The following NHLRC2 variants were observed in gnomAD, a reference collection of about 807,000 sequenced individuals.
The protein encoded by NHLRC2 is NHL repeat containing 2.
Under a neutral mutation model 68.1 loss-of-function variants are expected in NHLRC2, and 33 were observed. The observed-to-expected ratio is 0.48, with a 90% CI of 0.37 to 0.65. The LOEUF (loss-of-function observed/expected upper bound fraction) is 0.65, where lower values mean the gene tolerates loss of function less well. NHLRC2 is among the 30% of genes least tolerant of loss of function. The probability of loss-of-function intolerance (pLI) is 0.00; values close to 1 mark genes in which losing one functional copy is unlikely to be tolerated. For synonymous variants in NHLRC2, 311 were observed against 309.6 expected (o/e 1.00, Z -0.05); for missense variants, 761 against 853.8 (o/e 0.89, Z 1.35).
intron 4 of NHLRC2, among the ~76,000 whole-genome samples, chr10:113,881,243 T>C (rs1344916550): frequency 6.6e-6 from 1 of 151,844 alleles, no homozygotes; most frequent in Non-Finnish European, 1.5e-5. Context: ...TAATTGTATG[T>C]CATTTCTCTT....
At chr10:113,872,120 A>G (rs1845931217) in intron 2 of NHLRC2, among the ~76,000 whole-genome samples, 1 of 152,162 alleles carries the variant, frequency 6.6e-6, no homozygotes, top group Non-Finnish European at 1.5e-5. Flanking sequence ...CTCTTACAAG[A>G]GTGCAGGACA....
intron 2 of NHLRC2, among the ~76,000 whole-genome samples, chr10:113,867,648 T>C (rs996835409): frequency 6.6e-6 from 1 of 152,218 alleles, no homozygotes; most frequent in African/African-American, 2.4e-5. Flanking sequence ...CTTGACACAG[T>C]GTTCCCTCTG....
At chr10:113,884,662 T>C (rs1307104165) in intron 5 of NHLRC2, among the ~76,000 whole-genome samples, 2 of 151,228 alleles carry the variant, frequency 1.3e-5, no homozygotes, top group African/African-American at 4.8e-5. Context: ...ATTAATGTAG[T>C]TCTGAATTTC....
At chr10:113,855,101 C>T (rs1237441819) in intron 1 of NHLRC2, 51 bp downstream of exon 1, 7 of 1,459,556 alleles carry the variant, frequency 4.8e-6, no homozygotes, top group Non-Finnish European at 6.6e-6. Context: ...TCCCCTTCCT[C>T]GGGGACGGCG....
Position 113,876,508 on chromosome 10 carries a change from T to C in NHLRC2, c.332-13T>C. ...TATTTAATAATGTTTAACATATAAT[T>C]TTTTCCTTTCAGATGGTCTTCTTAT... is the stretch of plus-strand genomic sequence containing the variant. On this transcript the variant is annotated splice_polypyrimidine_tract_variant and intron_variant, in intron 2 of 10. Coordinates refer to ENST00000369301, the MANE Select transcript of NHLRC2 (RefSeq NM_198514.4). 6.8e-7 allele frequency: 1 copy of C among 1,477,644 alleles called. No homozygotes were observed. Among genetic ancestry groups the C allele is most frequent in the Non-Finnish European group, 9.2e-7 (1 of 1,082,094 alleles). 91.5% of individuals were successfully genotyped at this position (1,477,644 alleles called of 1,614,324 possible).
chr10:113,901,670 T>C lies in NHLRC2; in HGVS notation c.1144T>C (p.Leu382=). The part of the protein sequence containing the change: ...DSGKLPKKNE[L]TKGTCLRFAG... ...CTATGAACTTGTCTTTTTCAGTGAG[T>C]TAACAAAAGGAACCTGCCTTAGGTT... Residue 382 remains leucine, a synonymous_variant, in exon 7 of 11, where the codon TTA becomes CTA. Coordinates refer to ENST00000369301, the MANE Select transcript of NHLRC2 (RefSeq NM_198514.4). 6.2e-7 allele frequency: 1 copy of C among 1,611,626 alleles called. No individual in the cohort carries two copies. The highest frequency in any genetic ancestry group is 8.5e-7 in the Non-Finnish European group (1 of 1,177,768).
At chr10:113,856,891 T>C (rs1426788311) in intron 1 of NHLRC2, among the ~76,000 whole-genome samples, 3 of 152,196 alleles carry the variant, frequency 2.0e-5, no homozygotes, top group African/African-American at 4.8e-5. Flanking sequence ...CTTACATGTT[T>C]ATAGGAGACA....
intron 5 of NHLRC2, among the ~76,000 whole-genome samples, chr10:113,887,597 C>G (rs551308139): frequency 1.3e-5 from 2 of 152,022 alleles, no homozygotes; most frequent in African/African-American, 4.8e-5. Context: ...TGGTGAAGCC[C>G]CGTCTATACA....
At chr10:113,868,166 A>G (rs923385144) in intron 2 of NHLRC2, among the ~76,000 whole-genome samples, 1 of 152,028 alleles carries the variant, frequency 6.6e-6, no homozygotes, top group African/African-American at 2.4e-5. Context: ...TGGTTTTTTT[A>G]TTGGTGGTGA....
In NHLRC2 at chr10:113,875,890, T is replaced by C. The variant is rs183105146; in HGVS notation, c.332-631T>C. On this transcript the variant is annotated intron_variant, in intron 2 of 10. Coordinates refer to ENST00000369301, the MANE Select transcript of NHLRC2 (RefSeq NM_198514.4). ...TACTTTGGTAGTCAATATTGAATTT[T>C]TTCACTGAATCCAGCCAAACACTTT... Among the ~76,000 whole-genome samples the C allele has an allele frequency of 4.3e-4, 66 of 152,154 alleles. 1 individual carries two copies. The East Asian group carries it at 7.5e-3, about 17-fold the overall frequency.
Position 113,908,468 on chromosome 10 carries a change from C to A in NHLRC2, c.2113C>A (p.Gln705Lys), listed in dbSNP as rs757130928. 1 of 1,613,724 alleles carries A rather than the reference C, an allele frequency of 6.2e-7. No homozygotes were observed. The highest frequency in any genetic ancestry group is 1.3e-5 in the African/African-American group (1 of 74,890). The change falls in exon 11 of 11, where the codon CAG (glutamine) becomes AAG (lysine). Residue 705 changes from glutamine (Q) to lysine (K), a missense_variant. Physicochemically the swap from Gln to Lys is moderately conservative, Grantham distance 53. Transcript: ENST00000369301. ...ACMMKAILFSQPLQITDTQQG... is the reference protein window; with the variant it reads ...ACMMKAILFSKPLQITDTQQG... ...TATGATGAAGGCAATTTTGTTCAGT[C>A]AGCCTTTACAAATAACGGATACACA... is the stretch of plus-strand genomic sequence containing the variant.
chr10:113,899,844 G>T (rs1451917002), intron 6 of NHLRC2, among the ~76,000 whole-genome samples: 1 of 152,138 alleles, frequency 6.6e-6, no homozygotes, highest in African/African-American at 2.4e-5. Context: ...CTTGAACCCA[G>T]GAGGCGGAAG....
intron 2 of NHLRC2, among the ~76,000 whole-genome samples, chr10:113,870,046 G>T (rs1475358204): frequency 6.6e-6 from 1 of 152,140 alleles, no homozygotes; most frequent in Non-Finnish European, 1.5e-5. Flanking sequence ...GAGAAACCAA[G>T]GTCTGGGAAC....
chr10:113,902,620 T>C lies in NHLRC2; in HGVS notation c.1494+27T>C, dbSNP rs1290072274. Reference sequence around the variant, plus strand: ...TGAGTCGTGACAGAATTATATAATATCTTGCTTTTTGTGTGTGGCATTTAA... The same window carrying C: ...TGAGTCGTGACAGAATTATATAATACCTTGCTTTTTGTGTGTGGCATTTAA... On this transcript the variant is annotated intron_variant, in intron 8 of 10. Coordinates refer to ENST00000369301, the MANE Select transcript of NHLRC2 (RefSeq NM_198514.4). 2.5e-6 allele frequency: 4 copies of C among 1,590,330 alleles called. No homozygotes were observed. The African/African-American group carries it at 5.4e-5, about 22-fold the overall frequency.
Position 113,908,555 on chromosome 10 carries a change from A to G in NHLRC2, c.*19A>G, listed in dbSNP as rs752865680. ...ATTTTAGCCAGCCAGCTAGCTAGCA[A>G]CCCATTGCCACCACCTACTGTCTCC... On this transcript the variant is annotated 3_prime_UTR_variant, in exon 11 of 11. Transcript: ENST00000369301. 2 of 1,612,556 alleles carry G rather than the reference A, an allele frequency of 1.2e-6. No homozygotes were observed. The highest frequency in any genetic ancestry group is 1.3e-5 in the African/African-American group (1 of 74,912).
Position 113,876,714 on chromosome 10 carries a change from G to A in NHLRC2, c.525G>A (p.Leu175=). Residue 175 remains leucine (L), a synonymous_variant, in exon 3 of 11, where the codon TTG becomes TTA. Transcript: ENST00000369301. ...TACTTGGACCTCGTGGAAACATGTT[G>A]TTTTCTTTGATTGGAGAGGGACACA... is the stretch of plus-strand genomic sequence containing the variant. ...LVILGPRGNM[L]FSLIGEGHKD... 2.5e-6 allele frequency: 4 copies of A among 1,613,774 alleles called. No individual in the cohort carries two copies. Among genetic ancestry groups the A allele is most frequent in the Non-Finnish European group, 3.4e-6 (4 of 1,179,814 alleles).
chr10:113,876,997 C>A, intron 3 of NHLRC2, 21 bp downstream of exon 3: 1 of 1,363,100 alleles, frequency 7.3e-7, no homozygotes, highest in Non-Finnish European at 1.0e-6. Context: ...CTTCTGATTA[C>A]GATAGATAAC....
chr10:113,898,481 A>G (rs1846198467), intron 6 of NHLRC2, among the ~76,000 whole-genome samples: 1 of 152,184 alleles, frequency 6.6e-6, no homozygotes, highest in Admixed American at 6.5e-5. Flanking sequence ...TGAGAGAGAA[A>G]GAGGTAGTAA....
intron 2 of NHLRC2, among the ~76,000 whole-genome samples, chr10:113,868,778 G>A (rs1311279432): frequency 1.3e-5 from 2 of 152,172 alleles, no homozygotes; most frequent in East Asian, 3.8e-4. Context: ...GTTTAATCTG[G>A]AAGAAATCTT....
Sources: gnomAD v4.1 joint callset for allele counts (sites outside exome capture counted in the v4.1 genomes callset) on GRCh38, gnomAD v4.1.1 for gene constraint, MANE v1.5 for transcripts, NCBI Gene and HGNC (gene_info 2026-07-23, HGNC 2026-07-21) for gene names.